PDE1C: variants seen among roughly 807,000 people sequenced by gnomAD.
PDE1C encodes the protein phosphodiesterase 1C.
PDE1C carries 62 observed loss-of-function variants against 93.1 expected under a neutral mutation model. That is an observed-to-expected ratio of 0.67 (90% CI 0.54 to 0.82). The LOEUF is 0.82. Ranked by LOEUF, PDE1C falls within the 40% of genes least tolerant of loss-of-function variation. The pLI, the probability that PDE1C is intolerant of heterozygous loss-of-function variation, is 0.00. For synonymous variants in PDE1C, 325 were observed against 310.1 expected, an observed-to-expected ratio of 1.05 and a Z score of -0.50; for missense variants, 742 against 884.6, an observed-to-expected ratio of 0.84 and a Z score of 2.04.
At chr7:31,845,229 T>C (rs1792410785) in intron 9 of PDE1C, among the ~76,000 whole-genome samples, 1 of 152,158 alleles carries the variant, frequency 6.6e-6, no homozygotes, top group African/African-American at 2.4e-5. Flanking sequence ...AAAGTCCTCA[T>C]CTGATAATTC....
chr7:32,321,947 G>A (rs1783299962), intron 1 of PDE1C, among the ~76,000 whole-genome samples: 3 of 152,196 alleles, frequency 2.0e-5, no homozygotes. Context: ...TACATTAAAT[G>A]TATTAAATGT....
chr7:32,112,194 G>A (rs77231950), intron 3 of PDE1C, among the ~76,000 whole-genome samples: 2 of 152,168 alleles, frequency 1.3e-5, no homozygotes, highest in Admixed American at 6.5e-5. Context: ...TTGCTGGAGA[G>A]CCCTCATTAC....
intron 2 of PDE1C, among the ~76,000 whole-genome samples, chr7:32,007,438 G>A (rs940826424): frequency 6.6e-6 from 1 of 152,174 alleles, no homozygotes; most frequent in South Asian, 2.1e-4. Flanking sequence ...TTGTGGCTGG[G>A]ATCAGGAATA....
At chr7:32,231,810 A>G (rs1760834531) in intron 1 of PDE1C, among the ~76,000 whole-genome samples, 1 of 152,240 alleles carries the variant, frequency 6.6e-6, no homozygotes, top group South Asian at 2.1e-4. Flanking sequence ...AAGTGTAAGA[A>G]TAATATTAGA....
chr7:32,334,445 T>C (rs1170554066), intron 1 of PDE1C, among the ~76,000 whole-genome samples: 1 of 152,148 alleles, frequency 6.6e-6, no homozygotes, highest in African/African-American at 2.4e-5. Context: ...TAAAAATTTT[T>C]CCCCCATAGG....
chr7:31,669,514 G>A, the PDE1C span, among the ~76,000 whole-genome samples: 1 of 152,064 alleles, frequency 6.6e-6, no homozygotes, highest in Non-Finnish European at 1.5e-5. Context: ...GGTAAAATAT[G>A]GGCCACTTTT....
chr7:31,774,773 A>G (rs565246450), intron 17 of PDE1C, among the ~76,000 whole-genome samples: 1 of 152,352 alleles, frequency 6.6e-6, no homozygotes, highest in Admixed American at 6.5e-5. Flanking sequence ...TACATAAAGT[A>G]TTAATCTAAT....
chr7:32,281,085 GA>G (rs36059171), intron 1 of PDE1C, among the ~76,000 whole-genome samples: 2 of 151,668 alleles, frequency 1.3e-5, no homozygotes, highest in African/African-American at 2.4e-5. Context: ...AATCAGTGCA[GA>G]AAAAAATGGG....
intron 3 of PDE1C, among the ~76,000 whole-genome samples, chr7:32,107,776 T>C (rs1028724384): frequency 6.6e-6 from 1 of 152,038 alleles, no homozygotes; most frequent in Non-Finnish European, 1.5e-5. Flanking sequence ...AATTATCAAA[T>C]AAAAGTTTGT....
At chr7:31,865,365 T>G (rs1795168349) in intron 6 of PDE1C, among the ~76,000 whole-genome samples, 1 of 152,196 alleles carries the variant, frequency 6.6e-6, no homozygotes, top group Non-Finnish European at 1.5e-5. Context: ...TTAGTTTTAG[T>G]AACATGTAAA....
chr7:32,306,666 C>T (rs17161167), intron 1 of PDE1C, among the ~76,000 whole-genome samples: 17,535 of 152,234 alleles, frequency 0.12, 1,400 homozygotes, highest in East Asian at 0.39. Context: ...CAGTGACTCC[C>T]TGTCGCTGTA....
intron 1 of PDE1C, among the ~76,000 whole-genome samples, chr7:32,242,294 T>C (rs1227380727): frequency 2.6e-5 from 4 of 152,112 alleles, no homozygotes; most frequent in African/African-American, 9.7e-5. Flanking sequence ...GGTTCAAGAA[T>C]TCGGAGTTCC....
chr7:31,896,519 C>G (rs995773408), intron 2 of PDE1C, among the ~76,000 whole-genome samples: 2 of 152,054 alleles, frequency 1.3e-5, no homozygotes, highest in African/African-American at 4.8e-5. Flanking sequence ...CTTTAGCCTT[C>G]TTGTGGTATA....
intron 3 of PDE1C, among the ~76,000 whole-genome samples, chr7:32,092,444 A>C (rs535139852): frequency 1.3e-5 from 2 of 152,182 alleles, no homozygotes; most frequent in East Asian, 3.9e-4. Flanking sequence ...CTTCCCAGTG[A>C]CCCAAATCTG....
At chr7:32,401,206 A>G (rs1784935798) in intron 1 of PDE1C, among the ~76,000 whole-genome samples, 1 of 152,162 alleles carries the variant, frequency 6.6e-6, no homozygotes. Context: ...GACATATTCT[A>G]TTTTCCTAGT....
the PDE1C span, among the ~76,000 whole-genome samples, chr7:31,661,513 G>C: frequency 1.3e-5 from 2 of 151,974 alleles, no homozygotes; most frequent in Non-Finnish European, 2.9e-5. Context: ...AGGAGTTCGA[G>C]ACCAGCCTGG....
intron 3 of PDE1C, among the ~76,000 whole-genome samples, chr7:32,112,842 G>GTACATATATATATATATATA (rs1162721455): frequency 2.0e-5 from 1 of 50,668 alleles, no homozygotes; most frequent in African/African-American, 9.5e-5. Context: ...GTGTGTGTGT[G>GTACATATATATATATATATA]TGTGTATATA....
At chr7:32,058,594 C>G (rs1794408132) in intron 1 of PDE1C, among the ~76,000 whole-genome samples, 1 of 152,162 alleles carries the variant, frequency 6.6e-6, no homozygotes, top group Non-Finnish European at 1.5e-5. Context: ...ATGAATTAAT[C>G]TACGCGCTAC....
chr7:31,853,272 A>C (rs1013827600), intron 7 of PDE1C, among the ~76,000 whole-genome samples: 1 of 152,188 alleles, frequency 6.6e-6, no homozygotes, highest in African/African-American at 2.4e-5. Flanking sequence ...TTACCACCTT[A>C]GTTTTTCAAC....
Sources: gnomAD v4.1 joint callset for allele counts (sites outside exome capture counted in the v4.1 genomes callset) on GRCh38, gnomAD v4.1.1 for gene constraint, MANE v1.5 for transcripts, NCBI Gene and HGNC (gene_info 2026-07-23, HGNC 2026-07-21) for gene names.